Variants in TRIM15 observed in about 807,000 individuals in gnomAD.
TRIM15 encodes tripartite motif containing 15, also known as E3 ubiquitin-protein ligase TRIM15.
Under a neutral mutation model 35.8 loss-of-function variants are expected in TRIM15, and 35 were observed. That is an observed-to-expected ratio of 0.98 (90% CI 0.75 to 1.30). TRIM15 has a LOEUF of 1.30. TRIM15 is among the 50% of genes most tolerant of loss of function. The pLI is 0.00. For missense variants in TRIM15, 590 were observed against 593.5 expected, an observed-to-expected ratio of 0.99 and a Z score of 0.06; for synonymous variants, 252 against 249.8, an observed-to-expected ratio of 1.01 and a Z score of -0.08.
At chr6:30,164,194 C>G in intron 1 of TRIM15, 129 bp downstream of exon 1, 1 of 1,338,552 alleles carries the variant, frequency 7.5e-7, no homozygotes, top group Non-Finnish European at 1.0e-6. Context: ...CAGGGACTTT[C>G]GAGGCATTCC....
chr6:30,172,036 G>T lies in TRIM15; in HGVS notation c.1085G>T (p.Gly362Val). The T allele has an allele frequency of 6.4e-7, 1 of 1,571,326 alleles. No homozygotes were observed. The highest frequency in any genetic ancestry group is 8.6e-7 in the Non-Finnish European group (1 of 1,158,144). ...GACCTGCAGCTGGGCGACGGCGGCG[G>T]CTGCACGGTGGGGGTGGCCGGGGAG... ...QVDLQLGDGG[G>V]CTVGVAGEGV... The change falls in exon 7 of 7, where the codon GGC (glycine) becomes GTC (valine). Residue 362 changes from glycine to valine, a missense_variant. Transcript: ENST00000376694.
intron 1 of TRIM15, among the ~76,000 whole-genome samples, chr6:30,166,495 C>T (rs1228296275): frequency 6.6e-6 from 1 of 152,128 alleles, no homozygotes; most frequent in Non-Finnish European, 1.5e-5. Context: ...TATTTGATAT[C>T]ATATACTACA....
At chr6:30,167,466 C>T (rs1773688481) in intron 2 of TRIM15, among the ~76,000 whole-genome samples, 195 bp downstream of exon 2, 1 of 152,196 alleles carries the variant, frequency 6.6e-6, no homozygotes, top group African/African-American at 2.4e-5. Context: ...TCTTGCAATC[C>T]AAGATCCATC....
At chr6:30,168,628 G>A in intron 3 of TRIM15, 98 bp downstream of exon 3, 1 of 1,158,142 alleles carries the variant, frequency 8.6e-7, no homozygotes, top group Non-Finnish European at 1.3e-6. Flanking sequence ...GGAAAGGGAA[G>A]TGGAGAGAGG....
At position 30,167,288 on chromosome 6, in the gene TRIM15, T is replaced by A; in HGVS notation, c.477+17T>A. ...GTGCTGCTGGTACAGGCCACGTCAC[T>A]GGCTACCTTTTCCTTTGAAGGTTTT... On this transcript the variant is annotated intron_variant, in intron 2 of 6. Coordinates refer to ENST00000376694, the MANE Select transcript of TRIM15 (RefSeq NM_033229.3). 2 of 1,601,920 alleles carry A rather than the reference T, an allele frequency of 1.2e-6. No homozygotes were observed. Among genetic ancestry groups the A allele is most frequent in the African/African-American group, 2.7e-5 (2 of 74,838 alleles).
In TRIM15 at chr6:30,172,146, A is replaced by G. The variant is rs1376182033; in HGVS notation, c.1195A>G (p.Ser399Gly). 6.3e-6 allele frequency: 10 copies of G among 1,589,022 alleles called. No individual in the cohort carries two copies. Among genetic ancestry groups the G allele is most frequent in the African/African-American group, 2.7e-5 (2 of 74,454 alleles). Reference protein sequence around the residue: ...VIISHQQCWASTSPGTDLPLS... With the variant: ...VIISHQQCWAGTSPGTDLPLS... ...CATCTCGCACCAGCAGTGCTGGGCC[A>G]GCACCTCCCCGGGCACCGACCTGCC... Residue 399 changes from serine (S) to glycine (G), a missense_variant, in exon 7 of 7, where the codon AGC (serine) becomes GGC (glycine). By Grantham distance (56) the Ser-to-Gly change is moderately conservative (BLOSUM62 0). Coordinates refer to ENST00000376694, the MANE Select transcript of TRIM15 (RefSeq NM_033229.3).
At position 30,167,158 on chromosome 6, in the gene TRIM15, C is replaced by T; in HGVS notation, c.382-18C>T. 1 of 1,599,182 alleles carries T rather than the reference C, an allele frequency of 6.3e-7. No homozygotes were observed. Among genetic ancestry groups the T allele is most frequent in the Non-Finnish European group, 8.6e-7 (1 of 1,167,604 alleles). On this transcript the variant is annotated intron_variant, in intron 1 of 6. Coordinates refer to ENST00000376694, the MANE Select transcript of TRIM15 (RefSeq NM_033229.3). ...TATTAATTCAGTCACCTCTATCCAC[C>T]CATTCTTCTCCCCACAGGATCGTCT...
At chr6:30,169,126 A>G in intron 3 of TRIM15, 115 bp from the exon 4 acceptor site, 1 of 1,256,392 alleles carries the variant, frequency 8.0e-7, no homozygotes, top group Non-Finnish European at 1.2e-6. Flanking sequence ...AAACAGGACA[A>G]CTCTCTGCAG....
Position 30,171,812 on chromosome 6 carries a change from C to T in TRIM15, c.881-20C>T. The T allele has an allele frequency of 6.7e-7, 1 of 1,494,774 alleles. No individual in the cohort carries two copies. The highest frequency in any genetic ancestry group is 2.4e-5 in the Admixed American group (1 of 42,298). 92.6% of individuals were successfully genotyped at this position (1,494,774 alleles called of 1,614,324 possible). ...TGTGGTTGCCGCCCGCTGTTGATGT[C>T]TGCGCGCTCCTCCCTCTAGGGGTCA... On this transcript the variant is annotated intron_variant, in intron 6 of 6. Transcript: ENST00000376694.
Position 30,164,064 on chromosome 6 carries a change from G to T in TRIM15, c.380G>T (p.Arg127Leu), listed in dbSNP as rs778296793. 12 of 1,609,246 alleles carry T rather than the reference G, an allele frequency of 7.5e-6. No homozygotes were observed. The highest frequency in any genetic ancestry group is 1.0e-5 in the Non-Finnish European group (12 of 1,177,654). ...CTGGACGAGGCCATTCAGCCCTACC[G>T]GGTAAGAAGTGTAGCTTTACCTAGG... is the stretch of plus-strand genomic sequence containing the variant. The part of the protein sequence containing the change: ...GFLDEAIQPY[R>L]DRLRSRLEAL... The change falls in exon 1 of 7, where the codon CGG (arginine) becomes CTG (leucine). Residue 127 changes from arginine (R) to leucine (L), a missense_variant and splice_region_variant. Arg to Leu is a moderately radical substitution (Grantham distance 102). Transcript: ENST00000376694.
Position 30,172,232 on chromosome 6 carries a change from C to A in TRIM15, c.1281C>A (p.Thr427=). 3 of 1,612,442 alleles carry A rather than the reference C, an allele frequency of 1.9e-6. No homozygotes were observed. Among genetic ancestry groups the A allele is most frequent in the Non-Finnish European group, 2.5e-6 (3 of 1,179,804 alleles). ...VALDYEAGQV[T]LHNAQTQEPI... ...TGGACTACGAGGCGGGGCAGGTGACCCTCCACAACGCCCAGACCCAGGAGC... is the reference window on the plus strand; with the variant it reads ...TGGACTACGAGGCGGGGCAGGTGACACTCCACAACGCCCAGACCCAGGAGC... Residue 427 remains threonine, a synonymous_variant, in exon 7 of 7, where the codon ACC becomes ACA. Coordinates refer to ENST00000376694, the MANE Select transcript of TRIM15 (RefSeq NM_033229.3).
At chr6:30,166,757 G>A (rs1274872356) in intron 1 of TRIM15, among the ~76,000 whole-genome samples, 3 of 152,170 alleles carry the variant, frequency 2.0e-5, no homozygotes, top group African/African-American at 4.8e-5. Context: ...TTTTCCATTT[G>A]TCTGTGTTCT....
In TRIM15 at chr6:30,163,972, C is replaced by A; in HGVS notation, c.288C>A (p.Asn96Lys). ...HGEKIYFFCE[N>K]DAEFLCVFCR... Reference sequence around the variant, plus strand: ...AGAAGATCTACTTCTTCTGCGAGAACGATGCCGAGTTCCTCTGTGTGTTCT... The same window carrying A: ...AGAAGATCTACTTCTTCTGCGAGAAAGATGCCGAGTTCCTCTGTGTGTTCT... Residue 96 changes from asparagine to lysine, a missense_variant, in exon 1 of 7, where the codon AAC becomes AAA. Transcript: ENST00000376694. 1 of 1,613,138 alleles carries A rather than the reference C, an allele frequency of 6.2e-7. No individual in the cohort carries two copies. Among genetic ancestry groups the A allele is most frequent in the South Asian group, 1.1e-5 (1 of 91,088 alleles).
At chr6:30,165,260 C>G (rs1290691573) in intron 1 of TRIM15, among the ~76,000 whole-genome samples, 1 of 152,298 alleles carries the variant, frequency 6.6e-6, no homozygotes, top group East Asian at 1.9e-4. Context: ...CCTAGTCCCC[C>G]AAGCCCTGAC....
At chr6:30,170,238 C>T in intron 4 of TRIM15, 2 of 432,052 alleles carry the variant, frequency 4.6e-6, no homozygotes, top group South Asian at 8.0e-5. Flanking sequence ...GTCCCTCAGC[C>T]CCTACAGAAC....
chr6:30,172,455 G>GA lies in TRIM15; in HGVS notation c.*107dup, dbSNP rs1233375027. 5 of 1,467,526 alleles carry GA rather than the reference G, an allele frequency of 3.4e-6. No homozygotes were observed. The African/African-American group carries it at 4.2e-5, about 12-fold the overall frequency. 90.9% of individuals were successfully genotyped at this position (1,467,526 alleles called of 1,614,324 possible). ...GGGGCTCCCTGTGCCCGCGTGAGGC[G>GA]AGAGAACAGGGGACTTGAGTCTCGA... is the stretch of plus-strand genomic sequence containing the variant. On this transcript the variant is annotated 3_prime_UTR_variant, in exon 7 of 7. Coordinates refer to ENST00000376694, the MANE Select transcript of TRIM15 (RefSeq NM_033229.3).
chr6:30,169,248 G>A lies in TRIM15; in HGVS notation c.716G>A (p.Arg239Lys). 1 of 1,613,166 alleles carries A rather than the reference G, an allele frequency of 6.2e-7. No individual in the cohort carries two copies. The highest frequency in any genetic ancestry group is 1.3e-5 in the African/African-American group (1 of 75,040). The change falls in exon 4 of 7, where the codon AGA becomes AAA. Residue 239 changes from arginine to lysine, a missense_variant. Transcript: ENST00000376694. ...CTTGTCTTTCTTTTGCAGGATGTCAGAGTCAACCAGAGCAGGTAGGGCCCA... is the reference window on the plus strand; with the variant it reads ...CTTGTCTTTCTTTTGCAGGATGTCAAAGTCAACCAGAGCAGGTAGGGCCCA... ...QPASELLQDV[R>K]VNQSRCEMKT...
rs1388043496 is a variant in TRIM15, at chr6:30,170,500, G to C, written c.732-1G>C. 3.1e-6 allele frequency: 5 copies of C among 1,611,610 alleles called. No individual in the cohort carries two copies. Among genetic ancestry groups the C allele is most frequent in the Non-Finnish European group, 3.4e-6 (4 of 1,177,950 alleles). On this transcript the variant is annotated splice_acceptor_variant, in intron 4 of 6. Transcript: ENST00000376694. LOFTEE classifies it high-confidence loss of function. ...TAACTGGTTACCAAACCTGTCTGCA[G>C]GTGTGAGATGAAGACTTTTGTGAGT...
intron 2 of TRIM15, among the ~76,000 whole-genome samples, chr6:30,167,962 TC>T (rs1410598018): frequency 6.6e-6 from 1 of 152,200 alleles, no homozygotes; most frequent in Non-Finnish European, 1.5e-5. Flanking sequence ...TCCTTTTGCC[TC>T]TAAGAAATTA....
Sources: allele counts gnomAD v4.1 joint callset (sites outside exome capture counted in the v4.1 genomes callset), GRCh38; gene constraint gnomAD v4.1.1; transcripts MANE v1.5; gene names NCBI Gene and HGNC (gene_info 2026-07-23, HGNC 2026-07-21).